Variants in ANKRD45 observed in about 807,000 individuals in gnomAD.
The protein encoded by ANKRD45 is ankyrin repeat domain 45.
ANKRD45 carries 21 observed loss-of-function variants against 28.1 expected under a neutral mutation model. The observed-to-expected ratio is 0.75, with a 90% confidence interval of 0.53 to 1.08. ANKRD45 has a LOEUF of 1.08. ANKRD45 is among the 50% of genes least tolerant of loss of function. The pLI is 0.00. For missense variants in ANKRD45, 261 were observed against 308.7 expected (o/e 0.85, Z 1.16); for synonymous variants, 86 against 103.9 (o/e 0.83, Z 1.05).
At chr1:173,666,336 T>A (rs1376995550) in intron 1 of ANKRD45, among the ~76,000 whole-genome samples, 1 of 152,176 alleles carries the variant, frequency 6.6e-6, no homozygotes, top group Non-Finnish European at 1.5e-5. Context: ...CATGAACCAA[T>A]TCCTTATAAT....
the ANKRD45 span, among the ~76,000 whole-genome samples, chr1:173,688,678 C>G: frequency 7.2e-6 from 1 of 139,468 alleles, no homozygotes. Flanking sequence ...TCCTCTCTCT[C>G]TTTCTGCCTC....
chr1:173,688,154 C>T, the ANKRD45 span, among the ~76,000 whole-genome samples: 3 of 152,118 alleles, frequency 2.0e-5, no homozygotes, highest in African/African-American at 7.2e-5. Context: ...GGGCTATGCC[C>T]TTGTTTACAC....
At chr1:173,624,972 A>G in intron 4 of ANKRD45, 47 bp from the exon 5 acceptor site, 1 of 1,572,540 alleles carries the variant, frequency 6.4e-7, no homozygotes, top group South Asian at 1.2e-5. Flanking sequence ...TTATTGAAAA[A>G]TAAAACTCAA....
At chr1:173,706,348 T>C in the ANKRD45 span, among the ~76,000 whole-genome samples, 2 of 149,504 alleles carry the variant, frequency 1.3e-5, no homozygotes, top group Non-Finnish European at 1.5e-5. Context: ...TTGCTTTTAA[T>C]TTTTTTTTGA....
intron 3 of ANKRD45, among the ~76,000 whole-genome samples, chr1:173,632,526 A>C (rs1668238798): frequency 6.7e-6 from 1 of 150,164 alleles, no homozygotes; most frequent in Non-Finnish European, 1.5e-5. Flanking sequence ...ACAAAGACAC[A>C]TCAAAAAAAA....
intron 3 of ANKRD45, chr1:173,635,778 T>G (rs770731893): frequency 1.3e-6 from 2 of 1,535,570 alleles, no homozygotes; most frequent in Admixed American, 3.9e-5. Flanking sequence ...TTACAAGCTG[T>G]CTTCTTCGTC....
At chr1:173,703,779 A>T in the ANKRD45 span, among the ~76,000 whole-genome samples, 1 of 152,256 alleles carries the variant, frequency 6.6e-6, no homozygotes, top group African/African-American at 2.4e-5. Flanking sequence ...AACCAAGCTC[A>T]AGCTTTTTCC....
chr1:173,676,671 A>G, the ANKRD45 span, among the ~76,000 whole-genome samples: 7 of 151,990 alleles, frequency 4.6e-5, no homozygotes, highest in African/African-American at 1.7e-4. Flanking sequence ...TGGATGACAA[A>G]AAGTTTTAGG....
the ANKRD45 span, among the ~76,000 whole-genome samples, chr1:173,685,686 T>C: frequency 6.6e-6 from 1 of 152,006 alleles, no homozygotes; most frequent in South Asian, 2.1e-4. Context: ...AATTTTTCCA[T>C]TGTGAGAGGT....
At chr1:173,658,991 GTATAAAACA>G (rs1669664663) in intron 2 of ANKRD45, 91 bp downstream of exon 2, 1 of 1,473,546 alleles carries the variant, frequency 6.8e-7, no homozygotes, top group African/African-American at 1.4e-5. Context: ...TATATGTAAA[GTATAAAACA>G]GGCACATCAA....
chr1:173,651,981 T>G (rs1410119270), intron 2 of ANKRD45, among the ~76,000 whole-genome samples: 3 of 152,214 alleles, frequency 2.0e-5, no homozygotes, highest in Admixed American at 2.0e-4. Flanking sequence ...CTTATCAGCT[T>G]AAGGAGATTT....
rs369321135 is a variant in ANKRD45 at position 173,613,636 on chromosome 1, C to T, written c.731-3421G>A. On this transcript the variant is annotated intron_variant, in intron 5 of 5. Coordinates refer to ENST00000333279, the MANE Select transcript of ANKRD45 (RefSeq NM_198493.3). ...CCCACGCCCGGCCAGCTGCCCCGTC[C>T]GGGAGGGAGGAGGGGGGTCAGCCCC... Among the ~76,000 whole-genome samples the T allele has an allele frequency of 7.4e-5, 11 of 148,040 alleles. No homozygotes were observed. The East Asian group carries it at 8.2e-4, about 11-fold the overall frequency.
the ANKRD45 span, among the ~76,000 whole-genome samples, chr1:173,706,018 C>T: frequency 6.6e-6 from 1 of 152,096 alleles, no homozygotes; most frequent in Non-Finnish European, 1.5e-5. Flanking sequence ...ATTAAGAGAT[C>T]TTCCGGCTGG....
At chr1:173,658,968 A>G in intron 2 of ANKRD45, 123 bp downstream of exon 2, 1 of 1,297,166 alleles carries the variant, frequency 7.7e-7, no homozygotes, top group Non-Finnish European at 1.0e-6. Context: ...ACCCATATAG[A>G]TGTATATACA....
the ANKRD45 span, among the ~76,000 whole-genome samples, chr1:173,714,689 G>A: frequency 3.3e-5 from 5 of 152,184 alleles, no homozygotes; most frequent in East Asian, 5.8e-4. Context: ...ACCCTTTACT[G>A]CCTTTGCTGG....
chr1:173,678,222 C>A, the ANKRD45 span, among the ~76,000 whole-genome samples: 16 of 152,292 alleles, frequency 1.1e-4, no homozygotes, highest in African/African-American at 3.6e-4. Context: ...ATTTTATGAG[C>A]ATCATCCTGA....
intron 3 of ANKRD45, among the ~76,000 whole-genome samples, chr1:173,638,146 T>G (rs1668537208): frequency 6.6e-6 from 1 of 150,572 alleles, no homozygotes; most frequent in Non-Finnish European, 1.5e-5. Flanking sequence ...CTGGACAGAG[T>G]GCATGAACAC....
chr1:173,660,281 A>G (rs952066182), intron 1 of ANKRD45, among the ~76,000 whole-genome samples: 2 of 152,210 alleles, frequency 1.3e-5, no homozygotes, highest in African/African-American at 4.8e-5. Flanking sequence ...AGAGTACCAG[A>G]GTCCCTTCAT....
the ANKRD45 span, among the ~76,000 whole-genome samples, chr1:173,679,826 A>G: frequency 6.6e-6 from 1 of 152,268 alleles, no homozygotes; most frequent in South Asian, 2.1e-4. Context: ...CAGAACCTAC[A>G]AAGAACTTAA....
Sources: allele counts gnomAD v4.1 joint callset (sites outside exome capture counted in the v4.1 genomes callset), GRCh38; gene constraint gnomAD v4.1.1; transcripts MANE v1.5; gene names NCBI Gene and HGNC (gene_info 2026-07-23, HGNC 2026-07-21).